The following TTLL5 variants were observed in gnomAD, a reference collection of about 807,000 sequenced individuals.
TTLL5 encodes tubulin polyglutamylase TTLL5.
Under a neutral mutation model 168.4 loss-of-function variants are expected in TTLL5, and 132 were observed. That is an observed-to-expected ratio of 0.78 (90% confidence interval 0.68 to 0.91). The LOEUF (loss-of-function observed/expected upper bound fraction) is 0.91. TTLL5 is among the 40% of genes least tolerant of loss of function. The pLI, the probability that TTLL5 is intolerant of heterozygous loss-of-function variation, is 0.00. For synonymous variants in TTLL5, 546 were observed against 558.6 expected (o/e 0.98, Z 0.32); for missense variants, 1,545 against 1,581.5 (o/e 0.98, Z 0.39).
chr14:75,855,171 T>A (rs175905), intron 28 of TTLL5, among the ~76,000 whole-genome samples: 142,582 of 148,090 alleles, frequency 0.96, 68,682 homozygotes, highest in East Asian at 1. Context: ...AAAAAAGAAA[T>A]AAGAAAAAAA....
intron 27 of TTLL5, among the ~76,000 whole-genome samples, chr14:75,803,778 A>C (rs191991548): frequency 6.6e-6 from 1 of 152,310 alleles, no homozygotes; most frequent in Admixed American, 6.5e-5. Context: ...GCCTGACTCC[A>C]TGCTGGAAGG....
At chr14:75,889,395 A>T (rs1329309382) in intron 30 of TTLL5, among the ~76,000 whole-genome samples, 5 of 152,232 alleles carry the variant, frequency 3.3e-5, no homozygotes, top group Admixed American at 1.3e-4. Flanking sequence ...AATAAGATTA[A>T]ATCAATAGAT....
At chr14:75,742,818 G>T (rs928260627) in intron 15 of TTLL5, among the ~76,000 whole-genome samples, 1 of 152,064 alleles carries the variant, frequency 6.6e-6, no homozygotes, top group Admixed American at 6.5e-5. Context: ...TAATATTTTT[G>T]ACTTTTTCCA....
intron 31 of TTLL5, among the ~76,000 whole-genome samples, chr14:75,949,857 A>G (rs1433151417): frequency 6.6e-6 from 1 of 152,006 alleles, no homozygotes; most frequent in Non-Finnish European, 1.5e-5. Flanking sequence ...CTCCAAAAAA[A>G]AAGAAAAAAA....
At chr14:75,916,880 G>A (rs2033634860) in intron 31 of TTLL5, among the ~76,000 whole-genome samples, 1 of 152,182 alleles carries the variant, frequency 6.6e-6, no homozygotes, top group Non-Finnish European at 1.5e-5. Context: ...TCTGCAATAA[G>A]CTACAGCATG....
rs1489998409 is a variant in TTLL5 at position 75,744,975 on chromosome 14, A to G, written c.1282-120A>G. The G allele has an allele frequency of 5.0e-6, 4 of 794,052 alleles. No homozygotes were observed. The Admixed American group carries it at 1.1e-4, about 22-fold the overall frequency. 49.2% of individuals were successfully genotyped at this position (794,052 alleles called of 1,614,324 possible). A position where few individuals can be genotyped will look rare whatever the true frequency, so the allele number is the denominator to read the frequency against. ...TGAGATTAATTACAGAAAGTGGGCT[A>G]TGAATTTGAGCTTATAAATCTTTAG... On this transcript the variant is annotated intron_variant, in intron 15 of 31. Coordinates refer to ENST00000298832, the MANE Select transcript of TTLL5 (RefSeq NM_015072.5).
chr14:75,677,161 A>G (rs76873072), intron 3 of TTLL5, among the ~76,000 whole-genome samples: 1 of 152,102 alleles, frequency 6.6e-6, no homozygotes, highest in African/African-American at 2.4e-5. Context: ...CTATATAAAA[A>G]TAATTTATAC....
At chr14:75,675,077 C>T (rs1884036445) in intron 3 of TTLL5, among the ~76,000 whole-genome samples, 3 of 152,020 alleles carry the variant, frequency 2.0e-5, no homozygotes, top group South Asian at 2.1e-4. Flanking sequence ...TTCCCCTCCC[C>T]ACAGGCAAAT....
chr14:75,707,043 A>C lies in TTLL5; in HGVS notation c.611A>C (p.Asn204Thr), dbSNP rs752614501. ...NNPNQISLEE[N>T]ILVSRYINNP... ...CCAAACCAGATCTCCCTGGAAGAGA[A>C]CATTTTGGTCTCCCGTTACATTAAC... The change falls in exon 8 of 32, where the codon AAC becomes ACC. Residue 204 changes from asparagine to threonine, a missense_variant. By Grantham distance (65) the Asn-to-Thr change is moderately conservative. Transcript: ENST00000298832. 10 of 1,612,792 alleles carry C rather than the reference A, an allele frequency of 6.2e-6. No homozygotes were observed. The South Asian group carries it at 7.7e-5, about 12-fold the overall frequency.
chr14:75,751,942 C>A (rs1889980394), intron 17 of TTLL5, among the ~76,000 whole-genome samples: 1 of 152,156 alleles, frequency 6.6e-6, no homozygotes, highest in African/African-American at 2.4e-5. Flanking sequence ...TGATTGTATG[C>A]TAAACAATCA....
intron 28 of TTLL5, among the ~76,000 whole-genome samples, chr14:75,833,407 A>G (rs912853315): frequency 2.6e-5 from 4 of 151,924 alleles, no homozygotes; most frequent in African/African-American, 4.8e-5. Flanking sequence ...GAAGCTCCCA[A>G]TTTTTTTTAT....
intron 15 of TTLL5, among the ~76,000 whole-genome samples, chr14:75,743,069 A>G (rs1342008614): frequency 6.6e-6 from 1 of 152,198 alleles, no homozygotes; most frequent in Non-Finnish European, 1.5e-5. Flanking sequence ...TTGTTCAACC[A>G]ATATTTCTTG....
chr14:75,764,502 A>T, intron 18 of TTLL5, 113 bp from the exon 19 acceptor site: 1 of 1,275,774 alleles, frequency 7.8e-7, no homozygotes. Flanking sequence ...TTTAGAATTC[A>T]CTTGAGTTAC....
intron 17 of TTLL5, among the ~76,000 whole-genome samples, chr14:75,751,555 C>T (rs1044523809): frequency 2.6e-5 from 4 of 152,172 alleles, no homozygotes; most frequent in East Asian, 3.9e-4. Context: ...GATTTCATCA[C>T]GCTCCTCAGG....
In TTLL5 at chr14:75,951,486, G is replaced by A. The variant is rs150837505; in HGVS notation, c.3824-2938G>A. 3.1e-4 allele frequency among the ~76,000 whole-genome samples: 47 copies of A among 152,176 alleles called. No homozygotes were observed. The East Asian group carries it at 7.9e-3, about 26-fold the overall frequency. On this transcript the variant is annotated intron_variant, in intron 31 of 31. Transcript: ENST00000298832. ...TCTTTAAAAAAATACCAGGCAGGGC[G>A]CAGTGGCTAACACCTGTAAAGTCAA...
chr14:75,663,009 C>A, intron 1 of TTLL5, 46 bp from the exon 2 acceptor site: 1 of 737,150 alleles, frequency 1.4e-6, no homozygotes, highest in Non-Finnish European at 2.5e-6. Flanking sequence ...TAGACAACTG[C>A]ATTGTGTTTC....
intron 28 of TTLL5, among the ~76,000 whole-genome samples, chr14:75,823,578 C>G (rs117190460): frequency 0.012 from 1,891 of 152,234 alleles, 15 homozygotes; most frequent in South Asian, 0.026. Flanking sequence ...TGGCTCCTGC[C>G]CCTTTGTATG....
Position 75,704,571 on chromosome 14 carries a change from C to A in TTLL5, c.586-2447C>A, listed in dbSNP as rs1205779676. On this transcript the variant is annotated intron_variant, in intron 7 of 31. Transcript: ENST00000298832. The stretch of plus-strand genomic sequence containing the variant: ...AAAGATGTGTTTCCAACTTTCCCAA[C>A]AATTCAGATTCCTACTTCAGCATTC... Among the ~76,000 whole-genome samples the A allele has an allele frequency of 2.6e-5, 4 of 152,294 alleles. No homozygotes were observed. The Middle Eastern group carries it at 0.014, about 518-fold the overall frequency.
intron 31 of TTLL5, among the ~76,000 whole-genome samples, chr14:75,931,965 T>C (rs1174730892): frequency 6.6e-6 from 1 of 152,222 alleles, no homozygotes; most frequent in Non-Finnish European, 1.5e-5. Flanking sequence ...GTCATTCACC[T>C]CTGTATCACC....
Sources: gnomAD v4.1 joint callset for allele counts (sites outside exome capture counted in the v4.1 genomes callset) on GRCh38, gnomAD v4.1.1 for gene constraint, MANE v1.5 for transcripts, NCBI Gene and HGNC (gene_info 2026-07-23, HGNC 2026-07-21) for gene names.